Variants in RFT1 observed in about 807,000 individuals in gnomAD.
RFT1 encodes the protein RFT1 glycolipid translocator homolog, also known as man(5)GlcNAc(2)-PP-dolichol translocation protein RFT1.
A neutral mutation model predicts 62.2 loss-of-function variants in RFT1; 43 were observed. The ratio of observed to expected loss-of-function variants is 0.69; its 90% CI spans 0.54 to 0.89. The LOEUF (loss-of-function observed/expected upper bound fraction) is 0.89, where lower values mean the gene tolerates loss of function less well. Ranked by LOEUF, RFT1 falls within the 40% of genes least tolerant of loss-of-function variation. The pLI is 0.00. For missense variants in RFT1, 605 were observed against 649.9 expected (o/e 0.93, Z 0.75); for synonymous variants, 262 against 264.6 (o/e 0.99, Z 0.10).
intron 11 of RFT1, among the ~76,000 whole-genome samples, chr3:53,095,979 T>C (rs1575481180): frequency 1.3e-5 from 2 of 152,138 alleles, no homozygotes; most frequent in East Asian, 3.9e-4. Context: ...ATCTTGGGCC[T>C]TTACACAACT....
At chr3:53,104,991 C>T (rs567852118) in intron 9 of RFT1, among the ~76,000 whole-genome samples, 2 of 152,388 alleles carry the variant, frequency 1.3e-5, no homozygotes, top group African/African-American at 4.8e-5. Flanking sequence ...CTGGCTCCAA[C>T]TTCTGCATCC....
intron 8 of RFT1, among the ~76,000 whole-genome samples, chr3:53,106,369 C>G (rs1374975189): frequency 6.6e-6 from 1 of 152,164 alleles, no homozygotes; most frequent in Non-Finnish European, 1.5e-5. Flanking sequence ...ATGATACAGT[C>G]AAGATACAGA....
downstream of RFT1, among the ~76,000 whole-genome samples, chr3:53,085,523 A>G (rs370893618): frequency 1.1e-4 from 16 of 152,332 alleles, no homozygotes; most frequent in African/African-American, 3.4e-4. Context: ...TTCAATTGCT[A>G]CAGAACATAC....
downstream of RFT1, chr3:53,088,422 T>C (rs1270483427): frequency 6.6e-6 from 1 of 152,222 alleles, no homozygotes; most frequent in Non-Finnish European, 1.5e-5. Flanking sequence ...CTACCCTCCT[T>C]ATGAAATTAA....
intron 1 of RFT1, among the ~76,000 whole-genome samples, chr3:53,128,819 A>G (rs534092700): frequency 1.3e-5 from 2 of 152,334 alleles, no homozygotes; most frequent in African/African-American, 4.8e-5. Context: ...CCAACTTTAC[A>G]GTTTTAACAA....
chr3:53,111,392 C>A (rs1482311332), intron 7 of RFT1, among the ~76,000 whole-genome samples: 1 of 148,596 alleles, frequency 6.7e-6, no homozygotes, highest in Non-Finnish European at 1.5e-5. Context: ...GGCGACGGAG[C>A]AAGACTCCAT....
chr3:53,128,611 C>T (rs746289682), intron 1 of RFT1, among the ~76,000 whole-genome samples: 2 of 152,160 alleles, frequency 1.3e-5, no homozygotes, highest in African/African-American at 4.8e-5. Flanking sequence ...CTCACAGACT[C>T]GAGATCATCC....
At chr3:53,124,831 G>C (rs915536616) in intron 2 of RFT1, among the ~76,000 whole-genome samples, 3 of 151,898 alleles carry the variant, frequency 2.0e-5, no homozygotes, top group Non-Finnish European at 4.4e-5. Flanking sequence ...AATTATTCAG[G>C]TGTGGCGGTG....
chr3:53,125,837 C>T, intron 2 of RFT1, 72 bp downstream of exon 2: 1 of 1,162,518 alleles, frequency 8.6e-7, no homozygotes, highest in East Asian at 2.4e-5. Flanking sequence ...GGATGACAAA[C>T]AGGTACAGAG....
At chr3:53,104,182 A>G in intron 9 of RFT1, 85 bp from the exon 10 acceptor site, 2 of 1,410,978 alleles carry the variant, frequency 1.4e-6, no homozygotes, top group Non-Finnish European at 2.0e-6. Flanking sequence ...TTCTCCCTTC[A>G]CTGTTTTACA....
At chr3:53,086,559 ACC>A, downstream of RFT1, among the ~76,000 whole-genome samples, 1 of 151,898 alleles carries the variant, frequency 6.6e-6, no homozygotes, top group South Asian at 2.1e-4. Context: ...CAGGCGATCC[ACC>A]TGCCTCGGCC....
chr3:53,109,138 C>CT (rs1701576559), intron 7 of RFT1, among the ~76,000 whole-genome samples: 1 of 152,134 alleles, frequency 6.6e-6, no homozygotes, highest in African/African-American at 2.4e-5. Context: ...CCTCCAGCTG[C>CT]TTTGAGTCAG....
chr3:53,067,930 T>C, the RFT1 span, among the ~76,000 whole-genome samples: 8 of 152,212 alleles, frequency 5.3e-5, no homozygotes, highest in Admixed American at 5.2e-4. Flanking sequence ...GTGCCTTTTA[T>C]GGCAACTCAT....
Position 53,123,678 on chromosome 3 carries a change from T to C in RFT1, c.266+46A>G, listed in dbSNP as rs771305362. ...TTACTGTTTCATTTCCAATGCTCACTACACCTGCCTTCCTGAAACGTGTCT... is the reference window on the plus strand; with the variant it reads ...TTACTGTTTCATTTCCAATGCTCACCACACCTGCCTTCCTGAAACGTGTCT... On this transcript the variant is annotated intron_variant, in intron 3 of 12. Transcript: ENST00000296292. 1.4e-5 allele frequency: 20 copies of C among 1,443,042 alleles called. No individual in the cohort carries two copies. The Admixed American group carries it at 3.3e-4, about 24-fold the overall frequency. 89.4% of individuals were successfully genotyped at this position (1,443,042 alleles called of 1,614,324 possible).
Position 53,099,505 on chromosome 3 carries a change from C to A in RFT1, c.1103-19G>T, listed in dbSNP as rs898383146. 2.5e-6 allele frequency: 4 copies of A among 1,601,772 alleles called. No individual in the cohort carries two copies. The highest frequency in any genetic ancestry group is 3.4e-6 in the Non-Finnish European group (4 of 1,169,058). ...ACAGGACCTACAAGGAAACAACTCA[C>A]TGAGACTCCAGAGCCCAATCAGAAG... On this transcript the variant is annotated intron_variant, in intron 10 of 12. Coordinates refer to ENST00000296292, the MANE Select transcript of RFT1 (RefSeq NM_052859.4).
chr3:53,070,405 T>G, the RFT1 span, among the ~76,000 whole-genome samples: 4 of 138,640 alleles, frequency 2.9e-5, no homozygotes, highest in South Asian at 7.4e-4. Flanking sequence ...TTTTTTTTTT[T>G]TTTTTTTTTT....
At chr3:53,108,137 C>G (rs1701540997) in intron 7 of RFT1, among the ~76,000 whole-genome samples, 1 of 152,100 alleles carries the variant, frequency 6.6e-6, no homozygotes, top group South Asian at 2.1e-4. Context: ...CAACCTCTGC[C>G]TCCCAGACAT....
In RFT1 at chr3:53,130,376, G is replaced by A. The variant is rs778123737; in HGVS notation, c.25C>T (p.His9Tyr). The A allele has an allele frequency of 7.0e-6, 11 of 1,562,704 alleles. No homozygotes were observed. The highest frequency in any genetic ancestry group is 2.4e-5 in the South Asian group (2 of 84,896). ...CCGGAGGAGGCCAGCCGGGCCGCGT[G>A]GCCCAGCACCTCCTGGCTGCCCATA... MGSQEVLG[H>Y]AARLASSGLL... The change falls in exon 1 of 13, where the codon CAC (histidine) becomes TAC (tyrosine). Residue 9 changes from histidine to tyrosine, a missense_variant. His to Tyr is a moderately conservative substitution (Grantham distance 83, BLOSUM62 2). Coordinates refer to ENST00000296292, the MANE Select transcript of RFT1 (RefSeq NM_052859.4).
intron 10 of RFT1, chr3:53,103,211 C>T: frequency 1.0e-6 from 1 of 985,298 alleles, no homozygotes; most frequent in Non-Finnish European, 1.2e-6. Flanking sequence ...TTGACAAAGC[C>T]CTTTATATTG....
Sources: allele counts gnomAD v4.1 joint callset (sites outside exome capture counted in the v4.1 genomes callset), GRCh38; gene constraint gnomAD v4.1.1; transcripts MANE v1.5; gene names NCBI Gene and HGNC (gene_info 2026-07-23, HGNC 2026-07-21).